Variants in VPS8 observed in about 807,000 individuals in gnomAD.
The protein encoded by VPS8 is VPS8 subunit of CORVET complex.
VPS8 carries 129 observed loss-of-function variants against 216.4 expected under a neutral mutation model. The ratio of observed to expected loss-of-function variants is 0.60; its 90% CI spans 0.52 to 0.69. The LOEUF is 0.69. Ranked by LOEUF, VPS8 falls within the 30% of genes least tolerant of loss-of-function variation. The pLI, the probability that VPS8 is intolerant of heterozygous loss-of-function variation, is 0.00. For synonymous variants in VPS8, 571 were observed against 565.4 expected (o/e 1.01, Z -0.14); for missense variants, 1,531 against 1,683.5 (o/e 0.91, Z 1.59).
At chr3:184,938,000 C>G (rs1465660732) in intron 35 of VPS8, among the ~76,000 whole-genome samples, 2 of 152,116 alleles carry the variant, frequency 1.3e-5, no homozygotes, top group Non-Finnish European at 2.9e-5. Context: ...ATCATTAGAT[C>G]CATTTTACAG....
chr3:184,898,539 G>T, intron 23 of VPS8, 26 bp from the exon 24 acceptor site: 1 of 1,520,692 alleles, frequency 6.6e-7, no homozygotes, highest in South Asian at 1.2e-5. Flanking sequence ...GAATTGTATG[G>T]ACCAAGTGGC....
chr3:184,928,407 A>G (rs368035056), intron 31 of VPS8, 44 bp from the exon 32 acceptor site: 109 of 1,470,002 alleles, frequency 7.4e-5, no homozygotes, highest in Middle Eastern at 3.5e-4. Context: ...TTAAAGAGCT[A>G]GTAAATTCTC....
rs1560433186 is a variant in VPS8 at position 184,862,867 on chromosome 3, CTTTTG to C, written c.1225-22_1225-18del. The C allele has an allele frequency of 2.5e-6, 4 of 1,597,066 alleles. No individual in the cohort carries two copies. The African/African-American group carries it at 4.0e-5, about 16-fold the overall frequency. ...AAATGATGAAGCGGGTGTGGTCTCACTTTTGTTTTGTTGTGTGCTTGAATTACAGT... is the reference window on the plus strand; with the variant it reads ...AAATGATGAAGCGGGTGTGGTCTCACTTTTGTTGTGTGCTTGAATTACAGT... On this transcript the variant is annotated intron_variant, in intron 15 of 47. Coordinates refer to ENST00000625842, the MANE Select transcript of VPS8 (RefSeq NM_001009921.3).
chr3:184,853,548 T>C (rs1007489410), intron 11 of VPS8, among the ~76,000 whole-genome samples: 1 of 152,076 alleles, frequency 6.6e-6, no homozygotes, highest in East Asian at 1.9e-4. Context: ...GTGGCTGGAG[T>C]GTGACTTTGT....
At chr3:185,008,094 A>T (rs545941842) in intron 45 of VPS8, among the ~76,000 whole-genome samples, 4 of 152,226 alleles carry the variant, frequency 2.6e-5, no homozygotes, top group African/African-American at 9.6e-5. Flanking sequence ...ATGAGATTTC[A>T]GTGTTCAGCA....
At chr3:184,879,877 A>T (rs1283775875) in intron 21 of VPS8, among the ~76,000 whole-genome samples, 1 of 152,160 alleles carries the variant, frequency 6.6e-6, no homozygotes, top group African/African-American at 2.4e-5. Flanking sequence ...TCTCTCTGTA[A>T]TCTGATTCTG....
chr3:184,977,402 G>C (rs1287855606), intron 40 of VPS8, among the ~76,000 whole-genome samples: 1 of 152,040 alleles, frequency 6.6e-6, no homozygotes, highest in Non-Finnish European at 1.5e-5. Flanking sequence ...TCATTCTCTA[G>C]GTTGTGTGTT....
At chr3:184,920,363 T>G (rs1043526296) in intron 29 of VPS8, among the ~76,000 whole-genome samples, 165 bp downstream of exon 29, 2 of 152,166 alleles carry the variant, frequency 1.3e-5, no homozygotes, top group Non-Finnish European at 2.9e-5. Context: ...AAGTACTAAT[T>G]ATTTATTTTA....
Position 184,955,459 on chromosome 3 carries a change from T to G in VPS8, c.3036-1915T>G, listed in dbSNP as rs200443671. 1.6e-4 allele frequency among the ~76,000 whole-genome samples: 25 copies of G among 152,228 alleles called. No individual in the cohort carries two copies. The East Asian group carries it at 4.7e-3, about 28-fold the overall frequency. On this transcript the variant is annotated intron_variant, in intron 36 of 47. Coordinates refer to ENST00000625842, the MANE Select transcript of VPS8 (RefSeq NM_001009921.3). ...CCATGATCATGTGACTTGCTTCACC[T>G]TATCACTTAGAAGATTCATCCTCCT...
At chr3:184,815,196 A>G (rs1474533199) in intron 1 of VPS8, among the ~76,000 whole-genome samples, 1 of 152,214 alleles carries the variant, frequency 6.6e-6, no homozygotes, top group East Asian at 1.9e-4. Context: ...ATTTTTAAAT[A>G]AGTGGATGAG....
In VPS8 at chr3:184,956,229, A is replaced by G. The variant is rs916128618; in HGVS notation, c.3036-1145A>G. Among the ~76,000 whole-genome samples the G allele has an allele frequency of 1.4e-4, 22 of 152,294 alleles. No homozygotes were observed. The East Asian group carries it at 4.1e-3, about 28-fold the overall frequency. ...ACTTATGAATAATCACAAAATCCAA[A>G]TTGTTCTTTCTGGAGTCCAGAGAGT... On this transcript the variant is annotated intron_variant, in intron 36 of 47. Coordinates refer to ENST00000625842, the MANE Select transcript of VPS8 (RefSeq NM_001009921.3).
intron 1 of VPS8, among the ~76,000 whole-genome samples, chr3:184,818,165 C>T (rs765430821): frequency 1.3e-5 from 2 of 152,116 alleles, no homozygotes; most frequent in African/African-American, 2.4e-5. Context: ...GAAGGATCAG[C>T]TCGTGTGATA....
At chr3:184,944,144 T>G (rs1743256381) in intron 36 of VPS8, among the ~76,000 whole-genome samples, 1 of 152,228 alleles carries the variant, frequency 6.6e-6, no homozygotes, top group Non-Finnish European at 1.5e-5. Context: ...GGATAGGTCA[T>G]CCAGTTGAAT....
In VPS8 at chr3:184,839,755, A is replaced by G; in HGVS notation, c.535+3A>G. 6.3e-7 allele frequency: 1 copy of G among 1,595,756 alleles called. No individual in the cohort carries two copies. The highest frequency in any genetic ancestry group is 1.3e-5 in the African/African-American group (1 of 74,880). On this transcript the variant is annotated splice_donor_region_variant and intron_variant, in intron 7 of 47. Transcript: ENST00000625842. ...TCATGGATTGGCTTTAATATTTGGT[A>G]AATTTTTAAGTGCTTTCCTGCTTTT...
At chr3:184,896,494 A>G (rs1733499730) in intron 23 of VPS8, among the ~76,000 whole-genome samples, 1 of 152,132 alleles carries the variant, frequency 6.6e-6, no homozygotes, top group Non-Finnish European at 1.5e-5. Context: ...AGATTTCTTG[A>G]AAGCGTTGTC....
At position 184,966,902 on chromosome 3, in the gene VPS8, A is replaced by ATTGTGGCT. The variant is rs1044689881; in HGVS notation, c.3316+195_3316+202dup. On this transcript the variant is annotated intron_variant, in intron 39 of 47. Transcript: ENST00000625842. The stretch of plus-strand genomic sequence containing the variant: ...TTCACAACAGGAAATCATAGAAACC[A>ATTGTGGCT]TTGTGGCTTTGTGATGTTAATTTTC... Among the ~76,000 whole-genome samples, 13 of 152,166 alleles carry ATTGTGGCT rather than the reference A, an allele frequency of 8.5e-5. No individual in the cohort carries two copies. The Middle Eastern group carries it at 0.01, about 119-fold the overall frequency.
At chr3:185,001,470 A>G (rs1274055846) in intron 45 of VPS8, among the ~76,000 whole-genome samples, 1 of 152,164 alleles carries the variant, frequency 6.6e-6, no homozygotes, top group Non-Finnish European at 1.5e-5. Flanking sequence ...AGAGGTGCAT[A>G]GGGCAAGGTT....
chr3:184,959,994 C>G (rs1270523820), intron 37 of VPS8, among the ~76,000 whole-genome samples: 2 of 152,096 alleles, frequency 1.3e-5, no homozygotes, highest in Admixed American at 6.6e-5. Flanking sequence ...CCCACTCCCC[C>G]CACCCCACAA....
chr3:184,948,154 A>G (rs1031424760), intron 36 of VPS8, among the ~76,000 whole-genome samples: 2 of 152,056 alleles, frequency 1.3e-5, no homozygotes, highest in African/African-American at 4.8e-5. Flanking sequence ...AACCAGTTTT[A>G]GCCTTATTAT....
Sources: gnomAD v4.1 joint callset for allele counts (sites outside exome capture counted in the v4.1 genomes callset) on GRCh38, gnomAD v4.1.1 for gene constraint, MANE v1.5 for transcripts, NCBI Gene and HGNC (gene_info 2026-07-23, HGNC 2026-07-21) for gene names.